The following STXBP4 variants were observed in gnomAD, a reference collection of about 807,000 sequenced individuals.
The protein encoded by STXBP4 is syntaxin binding protein 4.
A neutral mutation model predicts 76.1 loss-of-function variants in STXBP4; 55 were observed. The observed-to-expected ratio is 0.72, with a 90% CI of 0.58 to 0.91. STXBP4 has a LOEUF of 0.91. STXBP4 is among the 40% of genes least tolerant of loss of function. The pLI, the probability that STXBP4 is intolerant of heterozygous loss-of-function variation, is 0.00. For missense variants in STXBP4, 618 were observed against 636.9 expected (o/e 0.97, Z 0.32); for synonymous variants, 201 against 220.2 (o/e 0.91, Z 0.77).
At chr17:55,211,812 T>G in the STXBP4 span, among the ~76,000 whole-genome samples, 101 of 130,680 alleles carry the variant, frequency 7.7e-4, 1 homozygote, top group African/African-American at 2.7e-3. Flanking sequence ...TTTTTTTTTT[T>G]TTTTTTTTTT....
chr17:55,193,285 C>T, the STXBP4 span, among the ~76,000 whole-genome samples: 1 of 152,046 alleles, frequency 6.6e-6, no homozygotes, highest in Admixed American at 6.5e-5. Context: ...CTGAGACAAC[C>T]ACGTTAGATG....
At chr17:55,052,816 G>A (rs1025678145) in intron 12 of STXBP4, among the ~76,000 whole-genome samples, 8 of 150,112 alleles carry the variant, frequency 5.3e-5, no homozygotes, top group African/African-American at 1.7e-4. Context: ...TTTTCTGGGC[G>A]AGAATGTGTA....
Position 54,990,911 on chromosome 17 carries a change from C to A in STXBP4, c.134C>A (p.Pro45Gln). The A allele has an allele frequency of 6.2e-7, 1 of 1,604,836 alleles. No homozygotes were observed. Among genetic ancestry groups the A allele is most frequent in the East Asian group, 2.3e-5 (1 of 44,438 alleles). The change falls in exon 4 of 18, where the codon CCA becomes CAA. Residue 45 changes from proline (P) to glutamine (Q), a missense_variant. By Grantham distance (76) the Pro-to-Gln change is moderately conservative. Transcript: ENST00000376352. ...GGAGGAATTAACCGGAATGAAGGCC[C>A]ATTGGTATATATTCAGGAAATTATT... is the stretch of plus-strand genomic sequence containing the variant. ...VLGGINRNEG[P>Q]LVYIQEIIPG...
chr17:55,084,179 G>C (rs1308166819), intron 16 of STXBP4, among the ~76,000 whole-genome samples: 5 of 152,080 alleles, frequency 3.3e-5, no homozygotes, highest in Non-Finnish European at 7.4e-5. Context: ...CATTCTAACT[G>C]GTGTGAGATG....
intron 9 of STXBP4, among the ~76,000 whole-genome samples, chr17:55,033,892 T>G (rs1227396438): frequency 6.6e-6 from 1 of 152,238 alleles, no homozygotes; most frequent in Non-Finnish European, 1.5e-5. Flanking sequence ...AAAGTTCTAC[T>G]CATAATACAA....
chr17:55,037,618 G>A lies in STXBP4; in HGVS notation c.855+3359G>A, dbSNP rs375002571. Among the ~76,000 whole-genome samples the A allele has an allele frequency of 9.5e-4, 144 of 152,080 alleles. 1 individual carries two copies. Among genetic ancestry groups the A allele is most frequent in the African/African-American group, 3.4e-3 (142 of 41,504 alleles). ...ACATGTCAATGATTTCCAATTTGTG[G>A]CTTCAGATCAAAATGTCGTGCAATA... On this transcript the variant is annotated intron_variant, in intron 10 of 17. Coordinates refer to ENST00000376352, the MANE Select transcript of STXBP4 (RefSeq NM_178509.6).
At chr17:55,144,619 A>G in intron 17 of STXBP4, among the ~76,000 whole-genome samples, 1 of 152,254 alleles carries the variant, frequency 6.6e-6, no homozygotes, top group Admixed American at 6.5e-5. Context: ...CCAGTTTTGT[A>G]CTTGAGGACA....
chr17:55,158,604 G>T (rs972104880), intron 17 of STXBP4, among the ~76,000 whole-genome samples: 8 of 152,196 alleles, frequency 5.3e-5, no homozygotes, highest in African/African-American at 1.4e-4. Flanking sequence ...CATCCACCAG[G>T]TTAAGAGCAT....
At chr17:55,100,651 A>T (rs1444530784) in intron 16 of STXBP4, among the ~76,000 whole-genome samples, 1 of 152,204 alleles carries the variant, frequency 6.6e-6, no homozygotes, top group Admixed American at 6.5e-5. Context: ...TAAAGGTAAT[A>T]TAAAGGGGAA....
In STXBP4 at chr17:54,999,221, G is replaced by A. The variant is rs1336365352; in HGVS notation, c.181-124G>A. On this transcript the variant is annotated intron_variant, in intron 4 of 17. Coordinates refer to ENST00000376352, the MANE Select transcript of STXBP4 (RefSeq NM_178509.6). ...AGATTTTGCTACTGAGGTTGTCTAA[G>A]ATTTTACTTTTTACTCTTTTTGAAG... The A allele has an allele frequency of 5.8e-6, 4 of 688,782 alleles. No individual in the cohort carries two copies. In the African/African-American group the frequency reaches 7.3e-5, roughly 13 times the overall value. The allele number at this position is 688,782 out of a possible 1,614,324, so 42.7% of individuals were successfully genotyped here.
intron 16 of STXBP4, among the ~76,000 whole-genome samples, chr17:55,140,275 T>C (rs1368682790): frequency 6.6e-6 from 1 of 152,178 alleles, no homozygotes; most frequent in Non-Finnish European, 1.5e-5. Context: ...GCTACTGCAC[T>C]CTTGCCTGGG....
chr17:54,975,562 A>G (rs2077462011), intron 1 of STXBP4, among the ~76,000 whole-genome samples: 1 of 152,212 alleles, frequency 6.6e-6, no homozygotes, highest in African/African-American at 2.4e-5. Flanking sequence ...GGAAAGTACA[A>G]AAGTGGAGAG....
chr17:55,141,285 T>C (rs1174768708), intron 16 of STXBP4, 25 bp from the exon 17 acceptor site: 3 of 1,588,322 alleles, frequency 1.9e-6, no homozygotes, highest in African/African-American at 2.7e-5. Context: ...TTATTAAATA[T>C]ATTTTTGGTT....
intron 10 of STXBP4, among the ~76,000 whole-genome samples, chr17:55,034,498 A>T (rs1307332956): frequency 6.6e-6 from 1 of 152,092 alleles, no homozygotes; most frequent in Non-Finnish European, 1.5e-5. Context: ...TGACAATTTG[A>T]TATGTGGAGG....
At chr17:54,994,807 C>CT (rs964938596) in intron 4 of STXBP4, among the ~76,000 whole-genome samples, 81 of 145,650 alleles carry the variant, frequency 5.6e-4, no homozygotes, top group East Asian at 1.4e-3. Context: ...GCGAATTTCT[C>CT]TTTTTTTTTT....
At chr17:54,994,615 G>A (rs1189907640) in intron 4 of STXBP4, among the ~76,000 whole-genome samples, 1 of 151,998 alleles carries the variant, frequency 6.6e-6, no homozygotes, top group South Asian at 2.1e-4. Context: ...CATCAGTTTT[G>A]AATCAGCCCT....
intron 16 of STXBP4, among the ~76,000 whole-genome samples, chr17:55,133,150 A>G (rs911469448): frequency 2.6e-5 from 4 of 152,110 alleles, no homozygotes; most frequent in Non-Finnish European, 2.9e-5. Flanking sequence ...TAGGTAAGGG[A>G]TGGACCAATT....
intron 16 of STXBP4, among the ~76,000 whole-genome samples, chr17:55,130,123 C>G (rs1197371856): frequency 6.6e-6 from 1 of 152,170 alleles, no homozygotes; most frequent in African/African-American, 2.4e-5. Flanking sequence ...ACCTCTACAG[C>G]TGCAAACTGA....
intron 10 of STXBP4, among the ~76,000 whole-genome samples, chr17:55,036,673 C>T (rs1228486415): frequency 2.0e-5 from 3 of 151,650 alleles, no homozygotes; most frequent in African/African-American, 4.8e-5. Context: ...ATGATATGGT[C>T]AGTCAGGTTC....
Sources: gnomAD v4.1 joint callset for allele counts (sites outside exome capture counted in the v4.1 genomes callset) on GRCh38, gnomAD v4.1.1 for gene constraint, MANE v1.5 for transcripts, NCBI Gene and HGNC (gene_info 2026-07-23, HGNC 2026-07-21) for gene names.